The following INTS2 variants were observed in gnomAD, a reference collection of about 807,000 sequenced individuals.
INTS2 encodes the protein integrator complex subunit 2.
INTS2 carries 57 observed loss-of-function variants against 139.6 expected under a neutral mutation model. That is an observed-to-expected ratio of 0.41 (90% CI 0.33 to 0.51). The LOEUF (loss-of-function observed/expected upper bound fraction) is 0.51, where lower values mean the gene tolerates loss of function less well. Among genes scored for constraint, INTS2 ranks in the 20% least tolerant of loss-of-function variants. The pLI is 0.28. For missense variants in INTS2, 1,196 were observed against 1,436.7 expected (o/e 0.83, Z 2.71); for synonymous variants, 473 against 493.4 (o/e 0.96, Z 0.55).
At chr17:61,899,694 T>C (rs779942267) in intron 9 of INTS2, among the ~76,000 whole-genome samples, 1 of 152,078 alleles carries the variant, frequency 6.6e-6, no homozygotes, top group Non-Finnish European at 1.5e-5. Flanking sequence ...GAGGATAGCT[T>C]GAGCCCAGCA....
rs1029051504 is a variant in INTS2, at chr17:61,870,758, T to C, written c.2779-770A>G. ...AAAGTGAGGTTAGACTACTTTATAATCATGGTTCTTGGGGAAAGGAGTTTT... is the reference window on the plus strand; with the variant it reads ...AAAGTGAGGTTAGACTACTTTATAACCATGGTTCTTGGGGAAAGGAGTTTT... On this transcript the variant is annotated intron_variant, in intron 20 of 24. Coordinates refer to ENST00000251334, the MANE Select transcript of INTS2 (RefSeq NM_001351695.2). The surrounding 1 kb of genome is among the most constrained non-coding windows in gnomAD (Gnocchi z 4.4). Among the ~76,000 whole-genome samples the C allele has an allele frequency of 7.2e-5, 11 of 152,232 alleles. 1 individual carries two copies. Among genetic ancestry groups the C allele is most frequent in the Non-Finnish European group, 1.3e-4 (9 of 68,040 alleles).
intron 3 of INTS2, among the ~76,000 whole-genome samples, chr17:61,924,062 AAAG>A (rs1328341350): frequency 6.6e-6 from 1 of 152,212 alleles, no homozygotes; most frequent in African/African-American, 2.4e-5. Flanking sequence ...ATAATTTTAC[AAAG>A]AAGATAACTT....
intron 8 of INTS2, among the ~76,000 whole-genome samples, chr17:61,906,963 C>CAAAAAAAAAAA (rs34773307): frequency 7.5e-5 from 6 of 80,194 alleles, no homozygotes; most frequent in East Asian, 4.2e-4. Flanking sequence ...GATTCCATCT[C>CAAAAAAAAAAA]AAAAAAAAAA....
At chr17:61,924,497 T>C (rs2079686979) in intron 3 of INTS2, among the ~76,000 whole-genome samples, 1 of 152,116 alleles carries the variant, frequency 6.6e-6, no homozygotes, top group African/African-American at 2.4e-5. Context: ...CCTTTCAGGC[T>C]TTGAAAGGAA....
chr17:61,908,990 A>G (rs1413082548), intron 7 of INTS2, among the ~76,000 whole-genome samples: 2 of 152,226 alleles, frequency 1.3e-5, no homozygotes, highest in African/African-American at 4.8e-5. Context: ...CTATTCACAT[A>G]GTTAATATAA....
rs2079063728 is a variant in INTS2 at position 61,868,472 on chromosome 17, G to A, written c.3245-463C>T. On this transcript the variant is annotated intron_variant, in intron 23 of 24. Transcript: ENST00000251334. This position sits in a 1 kb window ranked among gnomAD's most constrained non-coding sequence, Gnocchi z 4.7. Reference sequence around the variant, plus strand: ...CAGGGTATTATGGAAATATTATAATGAGAAAGAATACTAAGTTAACTATGC... The same window carrying A: ...CAGGGTATTATGGAAATATTATAATAAGAAAGAATACTAAGTTAACTATGC... 6.6e-6 allele frequency among the ~76,000 whole-genome samples: 1 copy of A among 152,102 alleles called. No homozygotes were observed. The highest frequency in any genetic ancestry group is 2.4e-5 in the African/African-American group (1 of 41,438).
intron 15 of INTS2, among the ~76,000 whole-genome samples, chr17:61,888,495 ATAT>A (rs2079252323): frequency 6.6e-6 from 1 of 151,944 alleles, no homozygotes; most frequent in Non-Finnish European, 1.5e-5. Context: ...TGACCTTCTG[ATAT>A]TATGTGAAGT....
At chr17:61,923,243 C>T (rs1306238262) in intron 3 of INTS2, among the ~76,000 whole-genome samples, 1 of 150,922 alleles carries the variant, frequency 6.6e-6, no homozygotes, top group Non-Finnish European at 1.5e-5. Flanking sequence ...TTTGGGAGGC[C>T]AAGGAGGGCG....
At chr17:61,902,441 C>T (rs1334006422) in intron 9 of INTS2, among the ~76,000 whole-genome samples, 3 of 152,012 alleles carry the variant, frequency 2.0e-5, no homozygotes, top group Admixed American at 6.6e-5. Context: ...TTTTAGAAAA[C>T]AGCTTTATTG....
At chr17:61,885,089 CAA>C in intron 15 of INTS2, 84 bp from the exon 16 acceptor site, 1 of 890,604 alleles carries the variant, frequency 1.1e-6, no homozygotes, top group East Asian at 2.6e-5. Flanking sequence ...GAAACAAAAA[CAA>C]AGTCAAATTA....
chr17:61,899,952 G>T (rs2079388141), intron 9 of INTS2, among the ~76,000 whole-genome samples: 1 of 151,368 alleles, frequency 6.6e-6, no homozygotes, highest in African/African-American at 2.4e-5. Context: ...ATGAGGATTT[G>T]AGATAATGTT....
At position 61,909,397 on chromosome 17, in the gene INTS2, C is replaced by G. The variant is rs919996131; in HGVS notation, c.955-1763G>C. Reference sequence around the variant, plus strand: ...GTGCTGGGATTACAGGCGTAAGCCACCCCACCCAGCCCTTACTTCTTATTT... The same window carrying G: ...GTGCTGGGATTACAGGCGTAAGCCAGCCCACCCAGCCCTTACTTCTTATTT... On this transcript the variant is annotated intron_variant, in intron 7 of 24. Transcript: ENST00000251334. The surrounding 1 kb of genome is among the most constrained non-coding windows in gnomAD (Gnocchi z 4.9). 1.3e-5 allele frequency among the ~76,000 whole-genome samples: 2 copies of G among 152,216 alleles called. No homozygotes were observed. The highest frequency in any genetic ancestry group is 4.8e-5 in the African/African-American group (2 of 41,462).
At chr17:61,917,386 G>A (rs1283522611) in intron 5 of INTS2, among the ~76,000 whole-genome samples, 1 of 152,086 alleles carries the variant, frequency 6.6e-6, no homozygotes, top group Non-Finnish European at 1.5e-5. Flanking sequence ...ATCAACCTTG[G>A]TGCCCATCAA....
rs536921415 is a variant in INTS2 at position 61,871,397 on chromosome 17, T to C, written c.2778+868A>G. ...TCAGCCACCCAAAGTGCTGGGATTATAGGCATGAGCAACCATGCCTGGCCA... is the reference window on the plus strand; with the variant it reads ...TCAGCCACCCAAAGTGCTGGGATTACAGGCATGAGCAACCATGCCTGGCCA... On this transcript the variant is annotated intron_variant, in intron 20 of 24. Coordinates refer to ENST00000251334, the MANE Select transcript of INTS2 (RefSeq NM_001351695.2). The surrounding 1 kb of genome is among the most constrained non-coding windows in gnomAD (Gnocchi z 4.9). Among the ~76,000 whole-genome samples, 10 of 152,244 alleles carry C rather than the reference T, an allele frequency of 6.6e-5. 1 individual carries two copies. The South Asian group carries it at 1.9e-3, about 28-fold the overall frequency.
At position 61,926,578 on chromosome 17, in the gene INTS2, C is replaced by T; in HGVS notation, c.67G>A (p.Val23Ile). Residue 23 changes from valine (V) to isoleucine (I), a missense_variant, in exon 2 of 25, where the codon GTT becomes ATT. By Grantham distance (29) the Val-to-Ile change is conservative (BLOSUM62 3). Transcript: ENST00000251334. ...TCACTTAAAGATGCCAGGCAAACAA[C>T]ATCCACCTTCTGCATTGCCTCAAAA... Reference protein sequence around the residue: ...FAFEAMQKVDVVCLASLSDPE... With the variant: ...FAFEAMQKVDIVCLASLSDPE... 1 of 1,613,026 alleles carries T rather than the reference C, an allele frequency of 6.2e-7. No individual in the cohort carries two copies. The highest frequency in any genetic ancestry group is 8.5e-7 in the Non-Finnish European group (1 of 1,179,386).
Position 61,897,850 on chromosome 17 carries a change from C to G in INTS2, c.1308-111G>C. 1.3e-6 allele frequency: 1 copy of G among 757,012 alleles called. No homozygotes were observed. 46.9% of individuals were successfully genotyped at this position (757,012 alleles called of 1,614,324 possible). A position where few individuals can be genotyped will look rare whatever the true frequency, so the allele number is the denominator to read the frequency against. ...GAAATTATTTTTCCTGCCCTATTTTCAAGTATCAAGTCAAATTAAAGGCTT... is the reference window on the plus strand; with the variant it reads ...GAAATTATTTTTCCTGCCCTATTTTGAAGTATCAAGTCAAATTAAAGGCTT... On this transcript the variant is annotated intron_variant, in intron 9 of 24. Transcript: ENST00000251334. This position sits in a 1 kb window ranked among gnomAD's most constrained non-coding sequence, Gnocchi z 4.4.
rs2079117081 is a variant in INTS2 at position 61,875,089 on chromosome 17, C to G, written c.2457-51G>C. On this transcript the variant is annotated intron_variant, in intron 18 of 24. Transcript: ENST00000251334. The surrounding 1 kb of genome is among the most constrained non-coding windows in gnomAD (Gnocchi z 4.6). The stretch of plus-strand genomic sequence containing the variant: ...AAAACAGTTTTTTATATATTAAAAT[C>G]TGTAGCCATCCAGTCCTTTCTATCT... 2 of 1,345,900 alleles carry G rather than the reference C, an allele frequency of 1.5e-6. No individual in the cohort carries two copies. Among genetic ancestry groups the G allele is most frequent in the Non-Finnish European group, 2.0e-6 (2 of 998,886 alleles). 83.4% of individuals were successfully genotyped at this position (1,345,900 alleles called of 1,614,324 possible).
In INTS2 at chr17:61,897,401, ACACTACAACAAAATGTCCAG is replaced by A; in HGVS notation, c.1494+48_1494+67del. On this transcript the variant is annotated intron_variant, in intron 11 of 24. Transcript: ENST00000251334. The surrounding 1 kb of genome is among the most constrained non-coding windows in gnomAD (Gnocchi z 4.4). ...TTACTTAAATGAAAACAATCTATTTACACTACAACAAAATGTCCAGCTTAGAAACACCTTTTTTTTTTTAG... is the reference window on the plus strand; with the variant it reads ...TTACTTAAATGAAAACAATCTATTTACTTAGAAACACCTTTTTTTTTTTAG... The A allele has an allele frequency of 1.7e-5, 15 of 882,152 alleles. No homozygotes were observed. The highest frequency in any genetic ancestry group is 2.4e-5 in the Non-Finnish European group (14 of 574,298). The allele number at this position is 882,152 out of a possible 1,614,324, so 54.6% of individuals were successfully genotyped here.
chr17:61,912,796 G>A (rs929057108), intron 5 of INTS2, among the ~76,000 whole-genome samples: 1 of 151,888 alleles, frequency 6.6e-6, no homozygotes, highest in Non-Finnish European at 1.5e-5. Context: ...AAGTAACCAG[G>A]GCCGGGTGCA....
Sources: gnomAD v4.1 joint callset for allele counts (sites outside exome capture counted in the v4.1 genomes callset) on GRCh38, gnomAD v4.1.1 for gene constraint, Gnocchi (gnomAD v3.1) non-coding constraint, MANE v1.5 for transcripts, NCBI Gene and HGNC (gene_info 2026-07-23, HGNC 2026-07-21) for gene names.